UGGT2: variants seen among roughly 807,000 people sequenced by gnomAD.
UGGT2 encodes UDP-glucose:glycoprotein glucosyltransferase 2.
UGGT2 carries 180 observed loss-of-function variants against 192.1 expected under a neutral mutation model. The ratio of observed to expected loss-of-function variants is 0.94; its 90% confidence interval spans 0.83 to 1.06. UGGT2 has a LOEUF of 1.06. UGGT2 is among the 50% of genes least tolerant of loss of function. The probability of loss-of-function intolerance (pLI) is 0.00; values close to 1 mark genes in which losing one functional copy is unlikely to be tolerated. For missense variants in UGGT2, 1,849 were observed against 1,795.7 expected (o/e 1.03, Z -0.54); for synonymous variants, 580 against 591.0 (o/e 0.98, Z 0.27).
intron 36 of UGGT2, 147 bp downstream of exon 36, chr13:95,853,396 T>A (rs1418287490): frequency 1.8e-6 from 1 of 567,520 alleles, no homozygotes; most frequent in African/African-American, 2.0e-5. Context: ...AAAAATTATG[T>A]ATAAGTAGAA....
chr13:95,910,439 C>G (rs777982892), intron 20 of UGGT2, among the ~76,000 whole-genome samples: 3 of 152,044 alleles, frequency 2.0e-5, no homozygotes, highest in Admixed American at 6.6e-5. Flanking sequence ...GGTTGCAATC[C>G]TAGTCTCTGA....
chr13:96,053,094 G>C, intron 1 of UGGT2, 61 bp downstream of exon 1: 3 of 1,404,330 alleles, frequency 2.1e-6, no homozygotes, highest in Non-Finnish European at 2.8e-6. Flanking sequence ...CACGAAGAAA[G>C]CGCGGCTGAG....
At chr13:95,895,081 TTTAC>T in intron 23 of UGGT2, 95 bp downstream of exon 23, 1 of 1,235,586 alleles carries the variant, frequency 8.1e-7, no homozygotes, top group Non-Finnish European at 1.1e-6. Context: ...TTATTATACC[TTTAC>T]TTGTCTATAT....
intron 36 of UGGT2, among the ~76,000 whole-genome samples, chr13:95,841,462 C>T (rs763887653): frequency 2.0e-5 from 3 of 152,148 alleles, no homozygotes; most frequent in Non-Finnish European, 2.9e-5. Context: ...ACACATGGAG[C>T]AGTGAGGGAG....
chr13:95,963,765 A>G (rs989294836), intron 12 of UGGT2, among the ~76,000 whole-genome samples: 3 of 152,158 alleles, frequency 2.0e-5, no homozygotes, highest in African/African-American at 7.2e-5. Context: ...AAGAAATCAA[A>G]AGGGTAATCC....
At chr13:96,052,514 G>A (rs2053514980) in intron 1 of UGGT2, among the ~76,000 whole-genome samples, 2 of 152,058 alleles carry the variant, frequency 1.3e-5, no homozygotes, top group Non-Finnish European at 2.9e-5. Flanking sequence ...ATGAACTTAT[G>A]TGGAGTCATG....
chr13:95,916,251 A>G (rs1306181930), intron 20 of UGGT2, among the ~76,000 whole-genome samples: 1 of 152,220 alleles, frequency 6.6e-6, no homozygotes, highest in Non-Finnish European at 1.5e-5. Context: ...CTCTGGGTAC[A>G]GGAAAAACAG....
chr13:96,012,620 T>C (rs61973963), intron 5 of UGGT2, among the ~76,000 whole-genome samples: 59,029 of 151,870 alleles, frequency 0.39, 11,691 homozygotes, highest in Middle Eastern at 0.45. Context: ...AGGTTTTAAT[T>C]AGATTAAATA....
At chr13:95,975,422 A>G (rs1459891100) in intron 10 of UGGT2, among the ~76,000 whole-genome samples, 2 of 152,190 alleles carry the variant, frequency 1.3e-5, no homozygotes, top group Non-Finnish European at 2.9e-5. Context: ...GTGGAGGAAG[A>G]GTAAGTCTCC....
chr13:95,924,005 G>A (rs2048932555), intron 20 of UGGT2, among the ~76,000 whole-genome samples: 1 of 152,100 alleles, frequency 6.6e-6, no homozygotes, highest in African/African-American at 2.4e-5. Context: ...GATTTGATTA[G>A]ACAATGATTA....
In UGGT2 at chr13:95,970,255, C is replaced by A. The variant is rs1416762138; in HGVS notation, c.1192G>T (p.Asp398Tyr). 6.2e-7 allele frequency: 1 copy of A among 1,608,654 alleles called. No homozygotes were observed. The highest frequency in any genetic ancestry group is 1.7e-5 in the Admixed American group (1 of 58,946). The change falls in exon 12 of 39, where the codon GAT becomes TAT. Residue 398 changes from aspartate to tyrosine, a missense_variant. Asp to Tyr is a radical substitution (Grantham distance 160, BLOSUM62 -3). Coordinates refer to ENST00000376747, the MANE Select transcript of UGGT2 (RefSeq NM_020121.4). ...MDVYDAFSIL[D>Y]MLKLEGKMMN... ...ATTTTTCCTTCTAATTTCAGCATAT[C>A]CAAAATACTATATATTCAAAGAAAA...
intron 12 of UGGT2, among the ~76,000 whole-genome samples, chr13:95,966,472 A>T (rs1408400647): frequency 1.3e-5 from 2 of 152,198 alleles, no homozygotes; most frequent in Non-Finnish European, 2.9e-5. Flanking sequence ...AGAAGGTATA[A>T]ATTCTACTAT....
At chr13:95,877,187 T>C in intron 29 of UGGT2, 92 bp downstream of exon 29, 2 of 1,128,484 alleles carry the variant, frequency 1.8e-6, no homozygotes, top group Non-Finnish European at 2.5e-6. Context: ...AGGCCAATCT[T>C]AACATTTTAA....
intron 1 of UGGT2, among the ~76,000 whole-genome samples, chr13:96,045,275 A>C (rs953625915): frequency 6.6e-6 from 1 of 152,206 alleles, no homozygotes; most frequent in Non-Finnish European, 1.5e-5. Context: ...GCATTTGACA[A>C]AATCAAGCAC....
At chr13:95,894,439 T>C in intron 24 of UGGT2, 123 bp downstream of exon 24, 1 of 703,822 alleles carries the variant, frequency 1.4e-6, no homozygotes, top group Middle Eastern at 4.0e-4. Context: ...TACTGTCAAA[T>C]ACATTTATTC....
intron 21 of UGGT2, 48 bp downstream of exon 21, chr13:95,902,806 T>G: frequency 3.3e-6 from 5 of 1,533,110 alleles, no homozygotes; most frequent in Non-Finnish European, 4.5e-6. Flanking sequence ...ACTCACACTT[T>G]TAAAATATGC....
At position 95,836,106 on chromosome 13, in the gene UGGT2, T is replaced by C. The variant is rs566754491; in HGVS notation, c.4401+980A>G. Among the ~76,000 whole-genome samples the C allele has an allele frequency of 2.7e-4, 41 of 152,312 alleles. No homozygotes were observed. In the South Asian group the frequency reaches 8.1e-3, roughly 30 times the overall value. On this transcript the variant is annotated intron_variant, in intron 37 of 38. Transcript: ENST00000376747. ...CTCTTGTCTCCAGGCTGGAGTGTAG[T>C]GGCGCCATCTCCGCTCTCTGCAACC...
intron 36 of UGGT2, among the ~76,000 whole-genome samples, chr13:95,843,941 TTTTA>T (rs948197581): frequency 1.8e-4 from 27 of 152,134 alleles, no homozygotes; most frequent in African/African-American, 6.0e-4. Flanking sequence ...GTTTTGGTGA[TTTTA>T]TTTTTTATTT....
intron 4 of UGGT2, among the ~76,000 whole-genome samples, chr13:96,017,675 G>GT (rs1594581710): frequency 6.6e-6 from 1 of 152,130 alleles, no homozygotes; most frequent in Admixed American, 6.6e-5. Flanking sequence ...TACAATAAAT[G>GT]TTTTTTTAAG....
Sources: gnomAD v4.1 joint callset for allele counts (sites outside exome capture counted in the v4.1 genomes callset) on GRCh38, gnomAD v4.1.1 for gene constraint, MANE v1.5 for transcripts, NCBI Gene and HGNC (gene_info 2026-07-23, HGNC 2026-07-21) for gene names.